The following SLC5A11 variants were observed in gnomAD, a reference collection of about 807,000 sequenced individuals.
SLC5A11 encodes the protein sodium/myo-inositol cotransporter 2.
Under a neutral mutation model 69.8 loss-of-function variants are expected in SLC5A11, and 48 were observed. The ratio of observed to expected loss-of-function variants is 0.69; its 90% CI spans 0.55 to 0.87. The LOEUF (loss-of-function observed/expected upper bound fraction) is 0.87. Ranked by LOEUF, SLC5A11 falls within the 40% of genes least tolerant of loss-of-function variation. The probability of loss-of-function intolerance (pLI) is 0.00; values close to 1 mark genes in which losing one functional copy is unlikely to be tolerated. For missense variants in SLC5A11, 784 were observed against 866.1 expected (o/e 0.91, Z 1.19); for synonymous variants, 319 against 342.4 (o/e 0.93, Z 0.75).
At chr16:24,904,750 T>C (rs2152412241) in intron 10 of SLC5A11, among the ~76,000 whole-genome samples, 1 of 152,346 alleles carries the variant, frequency 6.6e-6, no homozygotes, top group African/African-American at 2.4e-5. Flanking sequence ...TTCTGCTAAG[T>C]CCATCTGAGA....
At chr16:24,866,465 C>A (rs1799254084) in intron 3 of SLC5A11, among the ~76,000 whole-genome samples, 1 of 151,394 alleles carries the variant, frequency 6.6e-6, no homozygotes, top group African/African-American at 2.4e-5. Context: ...GTAGTCCCAG[C>A]TACTCAGGGA....
Position 24,874,912 on chromosome 16 carries a change from A to G in SLC5A11, c.373-715A>G, listed in dbSNP as rs776281587. ...CTGTTTTTAATTGGCAACTCTTTTT[A>G]TACATTTTCCGGCCATTTGGATTTC... On this transcript the variant is annotated intron_variant, in intron 5 of 15. Coordinates refer to ENST00000347898, the Ensembl canonical transcript of SLC5A11. Among the ~76,000 whole-genome samples, 3 of 152,074 alleles carry G rather than the reference A, an allele frequency of 2.0e-5. No individual in the cohort carries two copies. The East Asian group carries it at 5.8e-4, about 29-fold the overall frequency.
At position 24,898,754 on chromosome 16, in the gene SLC5A11, G is replaced by A. The variant is rs537955866; in HGVS notation, c.1006+645G>A. ...AGGATGGTCTCGATCTCCTGACCTC[G>A]TGATCCACCCACCTTGGCCTCCCAA... On this transcript the variant is annotated intron_variant, in intron 10 of 15. Coordinates refer to ENST00000347898, the Ensembl canonical transcript of SLC5A11. 1.5e-4 allele frequency among the ~76,000 whole-genome samples: 23 copies of A among 152,208 alleles called. No individual in the cohort carries two copies. In the East Asian group the frequency reaches 1.9e-3, roughly 13 times the overall value.
At chr16:24,895,589 A>C (rs1173526527) in intron 9 of SLC5A11, among the ~76,000 whole-genome samples, 1 of 101,708 alleles carries the variant, frequency 9.8e-6, no homozygotes, top group African/African-American at 3.7e-5. Flanking sequence ...GGGAAGGGAA[A>C]AGGAGGGGAG....
intron 1 of SLC5A11, among the ~76,000 whole-genome samples, chr16:24,849,613 T>A (rs1041808584): frequency 2.5e-5 from 3 of 119,648 alleles, no homozygotes; most frequent in East Asian, 2.2e-4. Context: ...TATATATATA[T>A]ATATATATAT....
chr16:24,868,471 C>A (rs1464438623), intron 3 of SLC5A11, among the ~76,000 whole-genome samples: 1 of 149,856 alleles, frequency 6.7e-6, no homozygotes, highest in African/African-American at 2.5e-5. Flanking sequence ...TGGTGGCGGG[C>A]GCCTGTAGTC....
chr16:24,891,144 G>A (rs1325403240), intron 9 of SLC5A11, 70 bp downstream of exon 10: 12 of 1,496,152 alleles, frequency 8.0e-6, no homozygotes, highest in Non-Finnish European at 1.1e-5. Context: ...TGAAGTCGGT[G>A]CTTTTTTCTT....
chr16:24,849,592 AAATATATATATATATATAT>A (rs2059194194), intron 1 of SLC5A11, among the ~76,000 whole-genome samples: 2 of 82,492 alleles, frequency 2.4e-5, no homozygotes, highest in Admixed American at 2.4e-4. Context: ...AAAAAAAAAA[AAATATATATATATATATAT>A]ATATATATAT....
intron 1 of SLC5A11, among the ~76,000 whole-genome samples, chr16:24,848,148 A>G (rs1004241237): frequency 1.3e-5 from 2 of 152,154 alleles, no homozygotes; most frequent in Admixed American, 1.3e-4. Flanking sequence ...AATGGCAAAG[A>G]CCCTGAGGCC....
At chr16:24,869,602 C>T (rs2047145758) in intron 3 of SLC5A11, among the ~76,000 whole-genome samples, 1 of 152,200 alleles carries the variant, frequency 6.6e-6, no homozygotes, top group South Asian at 2.1e-4. Context: ...CGCAGGGATA[C>T]TGCATATAGT....
In SLC5A11 at chr16:24,884,142, TC is replaced by T; in HGVS notation, c.664+15del. The T allele has an allele frequency of 6.2e-7, 1 of 1,613,556 alleles. No homozygotes were observed. The highest frequency in any genetic ancestry group is 8.5e-7 in the Non-Finnish European group (1 of 1,179,676). Reference sequence around the variant, plus strand: ...CCTTGATGGGCTACAGTAAGTGGGGTCCCCGGGTCACTGGGGCGGACAACAG... The same window carrying T: ...CCTTGATGGGCTACAGTAAGTGGGGTCCCGGGTCACTGGGGCGGACAACAG... On this transcript the variant is annotated intron_variant, in intron 8 of 15. Transcript: ENST00000347898.
intron 8 of SLC5A11, among the ~76,000 whole-genome samples, chr16:24,888,565 C>T (rs2048548068): frequency 6.8e-6 from 1 of 146,198 alleles, no homozygotes; most frequent in South Asian, 2.2e-4. Flanking sequence ...CTCACTGCAA[C>T]CTCCACCTCT....
rs536696280 is a variant in SLC5A11 at position 24,904,810 on chromosome 16, T to C, written c.1007-1847T>C. Among the ~76,000 whole-genome samples the C allele has an allele frequency of 3.4e-3, 524 of 152,272 alleles. 3 individuals are homozygous for C. Among genetic ancestry groups the C allele is most frequent in the African/African-American group, 0.012 (499 of 41,564 alleles). ...ATTAAACTTTAAGTTCTGGGATACA[T>C]GTGCAGAACGTGCAGCTTTGTTACA... On this transcript the variant is annotated intron_variant, in intron 10 of 15. Coordinates refer to ENST00000347898, the Ensembl canonical transcript of SLC5A11.
intron 15 of SLC5A11, among the ~76,000 whole-genome samples, chr16:24,911,113 G>T (rs2050485292): frequency 6.8e-6 from 1 of 147,022 alleles, no homozygotes; most frequent in African/African-American, 2.6e-5. Flanking sequence ...AGGTTGCAGT[G>T]AGCCGAGATC....
At chr16:24,907,242 C>T (rs914573162) in intron 12 of SLC5A11, 67 bp downstream of exon 13, 1 of 1,562,690 alleles carries the variant, frequency 6.4e-7, no homozygotes, top group Non-Finnish European at 8.7e-7. Context: ...GAGGCAAAGT[C>T]CAGGTTCAGC....
At chr16:24,871,380 C>T (rs149453228) in intron 4 of SLC5A11, among the ~76,000 whole-genome samples, 133 of 152,260 alleles carry the variant, frequency 8.7e-4, no homozygotes, top group African/African-American at 2.6e-3. Context: ...AAACCATCCT[C>T]CCACTTCAGC....
intron 8 of SLC5A11, among the ~76,000 whole-genome samples, chr16:24,884,789 G>A (rs1389920710): frequency 6.6e-6 from 1 of 151,936 alleles, no homozygotes; most frequent in African/African-American, 2.4e-5. Context: ...CACCCAGGCT[G>A]AAGTGCAGTG....
chr16:24,878,601 G>A lies in SLC5A11; in HGVS notation c.583+1238G>A, dbSNP rs114099187. On this transcript the variant is annotated intron_variant, in intron 7 of 15. Transcript: ENST00000347898. ...TATATATCATGTATTTACATACACAGGTATGTGTATATGGATATACATTTC... is the reference window on the plus strand; with the variant it reads ...TATATATCATGTATTTACATACACAAGTATGTGTATATGGATATACATTTC... Among the ~76,000 whole-genome samples, 475 of 152,244 alleles carry A rather than the reference G, an allele frequency of 3.1e-3. 4 individuals are homozygous for A. The highest frequency in any genetic ancestry group is 0.011 in the African/African-American group (452 of 41,542).
intron 10 of SLC5A11, among the ~76,000 whole-genome samples, chr16:24,899,729 G>A (rs2049444329): frequency 6.6e-6 from 1 of 151,308 alleles, no homozygotes; most frequent in African/African-American, 2.4e-5. Context: ...TTTTTAGGTG[G>A]GTCTCACTCT....
Sources: allele counts gnomAD v4.1 joint callset (sites outside exome capture counted in the v4.1 genomes callset), GRCh38; gene constraint gnomAD v4.1.1; transcripts MANE v1.5; gene names NCBI Gene and HGNC (gene_info 2026-07-23, HGNC 2026-07-21).